The following IL1RAPL1 variants were observed in gnomAD, a reference collection of about 807,000 sequenced individuals.
The protein encoded by IL1RAPL1 is interleukin 1 receptor accessory protein like 1.
In IL1RAPL1, 3 loss-of-function variants were observed where a neutral mutation model predicts 48.4. The ratio of observed to expected loss-of-function variants is 0.06; its 90% CI spans 0.03 to 0.16. IL1RAPL1 has a LOEUF of 0.16. IL1RAPL1 is among the 10% of genes least tolerant of loss of function. The pLI, the probability that IL1RAPL1 is intolerant of heterozygous loss-of-function variation, is 1.00. For missense variants in IL1RAPL1, 349 were observed against 530.6 expected, an observed-to-expected ratio of 0.66 and a Z score of 3.36; for synonymous variants, 185 against 187.7, an observed-to-expected ratio of 0.99 and a Z score of 0.12.
chrX:29,955,457 T>C lies in IL1RAPL1; in HGVS notation c.1728T>C (p.Ser576=), dbSNP rs1446142934. The C allele has an allele frequency of 6.6e-6, 8 of 1,209,295 alleles. No individual in the cohort carries two copies. Among genetic ancestry groups the C allele is most frequent in the Non-Finnish European group, 6.7e-6 (6 of 895,069 alleles). Residue 576 remains serine (S), a synonymous_variant, in exon 11 of 11, where the codon AGT becomes AGC. Transcript: ENST00000378993. ...CACATGAGCAGGCTTTAGATGTCAG[T>C]GAGCAAGGGCCTTTTGGGGAGCTGC... ...PITHEQALDV[S]EQGPFGELQT...
At chrX:28,788,058 A>G (rs1045503895) in intron 1 of IL1RAPL1, among the ~76,000 whole-genome samples, 1 of 111,683 alleles carries the variant, frequency 9.0e-6, no homozygotes, top group Non-Finnish European at 1.9e-5. Context: ...CAATGAGTAC[A>G]TTCTGGGGAT....
intron 8 of IL1RAPL1, among the ~76,000 whole-genome samples, chrX:29,923,428 G>T (rs1932861856): frequency 8.9e-6 from 1 of 112,101 alleles, no homozygotes; most frequent in East Asian, 2.8e-4. Context: ...GAAAGACAGA[G>T]AATGAAACGG....
intron 6 of IL1RAPL1, among the ~76,000 whole-genome samples, chrX:29,911,214 T>TTAAAC (rs1374997479): frequency 2.7e-5 from 3 of 111,672 alleles, no homozygotes; most frequent in African/African-American, 9.7e-5. Flanking sequence ...CTTGAAAACA[T>TTAAAC]TAAACTAAGC....
chrX:28,656,669 T>C (rs1193349618), intron 1 of IL1RAPL1, among the ~76,000 whole-genome samples: 1 of 111,767 alleles, frequency 8.9e-6, no homozygotes, highest in African/African-American at 3.3e-5. Flanking sequence ...TTAGATCAAA[T>C]TGCCTTGCGT....
rs12843797 is a variant in IL1RAPL1, at chrX:29,381,529, A to C, written c.363-14729A>C. 4.5e-5 allele frequency among the ~76,000 whole-genome samples: 4 copies of C among 89,653 alleles called. No homozygotes were observed. The East Asian group carries it at 1.5e-3, about 33-fold the overall frequency. 77.9% of individuals were successfully genotyped at this position (89,653 alleles called of 115,157 possible). ...AAAAAAAAAAAAAAAAAAAAAAAAA[A>C]CTTAGCTGGACATGCTGGCATGCAC... On this transcript the variant is annotated intron_variant, in intron 3 of 10. Coordinates refer to ENST00000378993, the MANE Select transcript of IL1RAPL1 (RefSeq NM_014271.4).
intron 5 of IL1RAPL1, among the ~76,000 whole-genome samples, chrX:29,467,663 C>G (rs1163134438): frequency 9.0e-6 from 1 of 111,332 alleles, no homozygotes; most frequent in Non-Finnish European, 1.9e-5. Flanking sequence ...TCATTGTATA[C>G]ATAAAGAAGG....
intron 8 of IL1RAPL1, among the ~76,000 whole-genome samples, chrX:29,921,748 C>T (rs181678758): frequency 4.0e-4 from 45 of 111,653 alleles, no homozygotes; most frequent in Admixed American, 3.7e-3. Context: ...TGGAAAAATC[C>T]GTTAGAAAGC....
chrX:28,835,251 C>T (rs1413763852), intron 2 of IL1RAPL1, among the ~76,000 whole-genome samples: 1 of 111,781 alleles, frequency 8.9e-6, no homozygotes, highest in Admixed American at 9.6e-5. Flanking sequence ...AACTACTTCC[C>T]TTGGGCCTGC....
chrX:29,564,811 A>G, intron 5 of IL1RAPL1, among the ~76,000 whole-genome samples: 1 of 112,888 alleles, frequency 8.9e-6, no homozygotes, highest in South Asian at 3.6e-4. Flanking sequence ...AGTGGCTTAA[A>G]ACAACACAAA....
chrX:29,876,852 G>T (rs918443483), intron 6 of IL1RAPL1, among the ~76,000 whole-genome samples: 1 of 111,838 alleles, frequency 8.9e-6, no homozygotes, highest in Non-Finnish European at 1.9e-5. Flanking sequence ...ATTGCTCAAA[G>T]AGATCCCAGT....
At chrX:29,333,638 A>T (rs1602177266) in intron 3 of IL1RAPL1, among the ~76,000 whole-genome samples, 1 of 63,846 alleles carries the variant, frequency 1.6e-5, no homozygotes, top group Non-Finnish European at 2.9e-5. Context: ...GGGGCTCCTC[A>T]CTTCCCAGTA....
chrX:29,449,614 G>A (rs1195736703), intron 5 of IL1RAPL1, among the ~76,000 whole-genome samples: 2 of 109,783 alleles, frequency 1.8e-5, no homozygotes, highest in African/African-American at 3.3e-5. Context: ...TCTATATTGG[G>A]CACGCTGAGT....
chrX:28,825,832 C>T (rs1936989548), intron 2 of IL1RAPL1, among the ~76,000 whole-genome samples: 1 of 111,283 alleles, frequency 9.0e-6, no homozygotes, highest in Non-Finnish European at 1.9e-5. Flanking sequence ...GGTTTAATTG[C>T]ATTCCTGTAA....
intron 2 of IL1RAPL1, among the ~76,000 whole-genome samples, chrX:28,843,224 T>C (rs1921420740): frequency 9.1e-6 from 1 of 109,756 alleles, no homozygotes; most frequent in African/African-American, 3.3e-5. Context: ...GCTATCGGGA[T>C]CATTTTCTTA....
In IL1RAPL1 at chrX:29,734,941, AT is replaced by A. The variant is rs201913566; in HGVS notation, c.778+66439del. On this transcript the variant is annotated intron_variant, in intron 6 of 10. Transcript: ENST00000378993. ...TCCTTATTTTCTCTTCTTGCTCTGT[AT>A]TCCTCATAGTTGAATCATTTGTAGT... 3.4e-4 allele frequency among the ~76,000 whole-genome samples: 38 copies of A among 112,217 alleles called. 1 individual carries two copies. In the East Asian group the frequency reaches 8.7e-3, roughly 26 times the overall value.
intron 6 of IL1RAPL1, among the ~76,000 whole-genome samples, chrX:29,878,830 A>C (rs1931963398): frequency 9.0e-6 from 1 of 111,682 alleles, no homozygotes; most frequent in Admixed American, 9.6e-5. Flanking sequence ...TTTAATGATT[A>C]AAATATATTG....
At chrX:29,410,912 C>T (rs1934135378) in intron 5 of IL1RAPL1, among the ~76,000 whole-genome samples, 1 of 111,575 alleles carries the variant, frequency 9.0e-6, no homozygotes, top group Admixed American at 9.5e-5. Flanking sequence ...TTGACACCTC[C>T]CATTTTCTTT....
intron 2 of IL1RAPL1, among the ~76,000 whole-genome samples, chrX:29,140,883 A>G (rs1929229871): frequency 9.0e-6 from 1 of 111,131 alleles, no homozygotes; most frequent in Non-Finnish European, 1.9e-5. Flanking sequence ...TAAACACCCC[A>G]TCTCTTAATA....
chrX:28,778,336 T>C (rs1023990050), intron 1 of IL1RAPL1, among the ~76,000 whole-genome samples: 9 of 111,684 alleles, frequency 8.1e-5, no homozygotes, highest in African/African-American at 2.6e-4. Context: ...TATCCAACTA[T>C]TCGTTAAATA....
Sources: gnomAD v4.1 joint callset for allele counts (sites outside exome capture counted in the v4.1 genomes callset) on GRCh38, gnomAD v4.1.1 for gene constraint, MANE v1.5 for transcripts, NCBI Gene and HGNC (gene_info 2026-07-23, HGNC 2026-07-21) for gene names.